SYNRG: variants seen among roughly 807,000 people sequenced by gnomAD.
The protein encoded by SYNRG is synergin gamma, also known as AP1 gamma subunit binding protein 1.
Under a neutral mutation model 130.9 loss-of-function variants are expected in SYNRG, and 37 were observed. The ratio of observed to expected loss-of-function variants is 0.28; its 90% CI spans 0.22 to 0.37. The LOEUF is 0.37. Among genes scored for constraint, SYNRG ranks in the 10% least tolerant of loss-of-function variants. The pLI is 1.00. For missense variants in SYNRG, 1,338 were observed against 1,588.9 expected (o/e 0.84, Z 2.68); for synonymous variants, 539 against 568.1 (o/e 0.95, Z 0.73).
chr17:37,530,952 A>G (rs975150291), intron 19 of SYNRG, among the ~76,000 whole-genome samples: 22 of 152,210 alleles, frequency 1.4e-4, no homozygotes, highest in African/African-American at 5.1e-4. Context: ...TACTGCAATT[A>G]AAGTCCCTAA....
intron 14 of SYNRG, among the ~76,000 whole-genome samples, chr17:37,546,816 T>C (rs3110621): frequency 0.5 from 75,490 of 152,080 alleles, 20,939 homozygotes; most frequent in African/African-American, 0.75. Flanking sequence ...TGGACTAAGA[T>C]ATATATTTTA....
chr17:37,518,004 C>T lies in SYNRG; in HGVS notation c.*936G>A, dbSNP rs1245234570. ...TACATCTTGATACTTTACACTAGGC[C>T]GAGAGCTCCACATTTTCACCCTGAA... On this transcript the variant is annotated 3_prime_UTR_variant, in exon 22 of 22. Transcript: ENST00000612223. 6.6e-6 allele frequency: 1 copy of T among 152,180 alleles called. No individual in the cohort carries two copies. The highest frequency in any genetic ancestry group is 2.4e-5 in the African/African-American group (1 of 41,446). The allele number at this position is 152,180 out of a possible 1,614,324, so 9.4% of individuals were successfully genotyped here. A position where few individuals can be genotyped will look rare whatever the true frequency, so the allele number is the denominator to read the frequency against.
At chr17:37,580,720 A>T (rs1284110805) in intron 6 of SYNRG, among the ~76,000 whole-genome samples, 1 of 152,124 alleles carries the variant, frequency 6.6e-6, no homozygotes, top group East Asian at 1.9e-4. Flanking sequence ...TTTTTAGTAG[A>T]GACGGGGTTT....
chr17:37,526,277 G>A (rs933748123), intron 19 of SYNRG, among the ~76,000 whole-genome samples: 3 of 152,174 alleles, frequency 2.0e-5, no homozygotes, highest in Admixed American at 2.0e-4. Context: ...GTAAGGACAT[G>A]GCACAGAGCC....
At chr17:37,561,629 C>T (rs753077155) in intron 11 of SYNRG, 40 bp from the exon 12 acceptor site, 2 of 1,416,148 alleles carry the variant, frequency 1.4e-6, no homozygotes. Flanking sequence ...ACATTGAATC[C>T]CTCCTTTATC....
chr17:37,565,212 C>T (rs1239261786), intron 11 of SYNRG, among the ~76,000 whole-genome samples: 1 of 151,834 alleles, frequency 6.6e-6, no homozygotes, highest in African/African-American at 2.4e-5. Flanking sequence ...TGCAGTGAGC[C>T]GAGATCGCGC....
Position 37,542,015 on chromosome 17 carries a change from T to C in SYNRG, c.3159A>G (p.Glu1053=), listed in dbSNP as rs1419416029. 1 of 1,614,244 alleles carries C rather than the reference T, an allele frequency of 6.2e-7. No homozygotes were observed. The highest frequency in any genetic ancestry group is 8.5e-7 in the Non-Finnish European group (1 of 1,180,040). Residue 1053 remains glutamate, a synonymous_variant, in exon 15 of 22, where the codon GAA becomes GAG. Transcript: ENST00000612223. ...TSQSKMKSSE[E]MIKSELATFD... is the part of the protein sequence containing the mutation. ...AGGTTGCCAGCTCACTTTTGATCAT[T>C]TCTTCACTGGATTTCATTTTGCTTT... is the stretch of plus-strand genomic sequence containing the variant.
rs750913638 is a variant in SYNRG at position 37,542,072 on chromosome 17, G to A, written c.3102C>T (p.Ile1034=). 7.4e-6 allele frequency: 12 copies of A among 1,614,224 alleles called. No individual in the cohort carries two copies. The South Asian group carries it at 1.3e-4, about 18-fold the overall frequency. ...FGEFQSEKPK[I]SKFDFLVATS... is the part of the protein sequence containing the mutation. ...TGGCTACTAAGAAGTCAAATTTGCT[G>A]ATTTTGGGCTTTTCACTTTGAAACT... The change falls in exon 15 of 22, where the codon ATC becomes ATT. Residue 1034 remains isoleucine (I), a synonymous_variant. Coordinates refer to ENST00000612223, the MANE Select transcript of SYNRG (RefSeq NM_007247.6).
chr17:37,560,339 T>A (rs2059430165), intron 13 of SYNRG, among the ~76,000 whole-genome samples: 1 of 123,398 alleles, frequency 8.1e-6, no homozygotes, highest in Non-Finnish European at 1.6e-5. Flanking sequence ...GCACCTATCA[T>A]TTTTTTTTTT....
chr17:37,518,793 G>C lies in SYNRG; in HGVS notation c.*147C>G. ...CCTGAAGTCCTGCAGACTGGCCGTG[G>C]GGATGACGGGGGCCCCGTCCCTTGC... On this transcript the variant is annotated 3_prime_UTR_variant, in exon 22 of 22. Transcript: ENST00000612223. The C allele has an allele frequency of 9.5e-7, 1 of 1,049,918 alleles. No individual in the cohort carries two copies. Among genetic ancestry groups the C allele is most frequent in the Non-Finnish European group, 1.4e-6 (1 of 738,998 alleles). The allele number at this position is 1,049,918 out of a possible 1,614,324, so 65.0% of individuals were successfully genotyped here.
chr17:37,579,387 C>CA (rs2061109048), intron 6 of SYNRG: 1 of 1,304,116 alleles, frequency 7.7e-7, no homozygotes, highest in African/African-American at 1.5e-5. Context: ...TCAAGAAAGG[C>CA]AGGTGATGGG....
At chr17:37,585,270 A>T (rs1347857781) in intron 5 of SYNRG, 55 bp downstream of exon 5, 2 of 1,376,312 alleles carry the variant, frequency 1.5e-6, no homozygotes, top group Admixed American at 4.0e-5. Flanking sequence ...ATGAGTGGGA[A>T]GAGGCACATT....
chr17:37,539,227 A>G lies in SYNRG; in HGVS notation c.3385T>C (p.Tyr1129His). Reference sequence around the variant, plus strand: ...CTCCCCAGGCATCTCTGCCATTCATATGCATATCTCTCATTTTCCTGTGAA... The same window carrying G: ...CTCCCCAGGCATCTCTGCCATTCATGTGCATATCTCTCATTTTCCTGTGAA... Reference protein sequence around the residue: ...GEVEENERYAYEWQRCLGSAL... With the variant: ...GEVEENERYAHEWQRCLGSAL... The change falls in exon 17 of 22, where the codon TAT (tyrosine) becomes CAT (histidine). Residue 1129 changes from tyrosine (Y) to histidine (H), a missense_variant. Physicochemically the swap from Tyr to His is moderately conservative, Grantham distance 83. Around this residue, in one of 3 missense-constraint regions of SYNRG, gnomAD observed 1,146 missense variants for 1,342.3 expected, o/e 0.85. Transcript: ENST00000612223. 1 of 1,614,218 alleles carries G rather than the reference A, an allele frequency of 6.2e-7. No homozygotes were observed. Among genetic ancestry groups the G allele is most frequent in the Non-Finnish European group, 8.5e-7 (1 of 1,180,044 alleles).
At chr17:37,601,040 G>A (rs2063226558) in intron 1 of SYNRG, 1 of 152,346 alleles carries the variant, frequency 6.6e-6, no homozygotes. Context: ...CAAGCAGATT[G>A]TACAGGGCCT....
intron 13 of SYNRG, among the ~76,000 whole-genome samples, chr17:37,559,518 C>G (rs568052877): frequency 6.6e-6 from 1 of 152,206 alleles, no homozygotes; most frequent in African/African-American, 2.4e-5. Flanking sequence ...GGTGAAACCC[C>G]GTTTCTACTA....
rs1484740585 is a variant in SYNRG, at chr17:37,561,572, A to C, written c.1499T>G (p.Met500Arg). ...CAATGCTTTAGTTCCAGGAAGTGGC[A>C]TCAACAAAGAAGGGGCACTGAAGGA... ...QHGNSAPSLL[M>R]PLPGTKALPS... The change falls in exon 12 of 22, where the codon ATG becomes AGG. Residue 500 changes from methionine to arginine, a missense_variant. By Grantham distance (91) the Met-to-Arg change is moderately conservative. Transcript: ENST00000612223. 17 of 1,612,736 alleles carry C rather than the reference A, an allele frequency of 1.1e-5. No homozygotes were observed. The highest frequency in any genetic ancestry group is 1.3e-5 in the Non-Finnish European group (15 of 1,178,966).
At chr17:37,596,449 T>C (rs1176866068) in intron 2 of SYNRG, 105 bp from the exon 3 acceptor site, 8 of 1,295,144 alleles carry the variant, frequency 6.2e-6, no homozygotes, top group African/African-American at 1.5e-5. Context: ...CAGAGTGTAA[T>C]GGAAAAAGCA....
chr17:37,522,460 C>A (rs1028669664), intron 19 of SYNRG, among the ~76,000 whole-genome samples: 3 of 151,512 alleles, frequency 2.0e-5, no homozygotes, highest in Non-Finnish European at 4.4e-5. Context: ...CCCCGCAGCA[C>A]ACTTTTATTT....
intron 18 of SYNRG, 102 bp from the exon 19 acceptor site, chr17:37,536,229 G>A (rs1233703120): frequency 7.4e-7 from 1 of 1,344,670 alleles, no homozygotes; most frequent in African/African-American, 1.5e-5. Flanking sequence ...GAAACAATGG[G>A]TGTATCTGGA....
Sources: allele counts gnomAD v4.1 joint callset (sites outside exome capture counted in the v4.1 genomes callset), GRCh38; gene constraint gnomAD v4.1.1; regional missense constraint gnomAD v4.1.1; transcripts MANE v1.5; gene names NCBI Gene and HGNC (gene_info 2026-07-23, HGNC 2026-07-21).